Variants in RABGAP1L observed in about 807,000 individuals in gnomAD.
RABGAP1L encodes the protein rab GTPase-activating protein 1-like.
A neutral mutation model predicts 137.7 loss-of-function variants in RABGAP1L; 63 were observed. That is an observed-to-expected ratio of 0.46 (90% confidence interval 0.37 to 0.56). The LOEUF (loss-of-function observed/expected upper bound fraction) is 0.56. Among genes scored for constraint, RABGAP1L ranks in the 20% least tolerant of loss-of-function variants. RABGAP1L has a pLI of 0.00. For synonymous variants in RABGAP1L, 431 were observed against 433.7 expected (o/e 0.99, Z 0.08); for missense variants, 1,095 against 1,244.0 (o/e 0.88, Z 1.80).
chr1:174,608,161 A>T (rs897134521), intron 13 of RABGAP1L, among the ~76,000 whole-genome samples: 3 of 152,190 alleles, frequency 2.0e-5, no homozygotes, highest in Non-Finnish European at 4.4e-5. Context: ...ATATGTGCCT[A>T]AGTGTGAGGC....
At chr1:174,320,694 C>T (rs889626595) in intron 11 of RABGAP1L, among the ~76,000 whole-genome samples, 9 of 152,304 alleles carry the variant, frequency 5.9e-5, no homozygotes, top group Non-Finnish European at 8.8e-5. Context: ...ATTTCATGGA[C>T]ATTTATCACT....
chr1:174,779,805 T>C (rs7540793), intron 18 of RABGAP1L, among the ~76,000 whole-genome samples: 3 of 152,130 alleles, frequency 2.0e-5, no homozygotes, highest in African/African-American at 7.2e-5. Flanking sequence ...GCCCCATATT[T>C]CCCAAATTTA....
At chr1:174,206,649 C>T (rs553592648) in intron 1 of RABGAP1L, among the ~76,000 whole-genome samples, 2 of 152,204 alleles carry the variant, frequency 1.3e-5, no homozygotes, top group South Asian at 2.1e-4. Context: ...GGCACAAACA[C>T]GTGATCTAAA....
At chr1:174,880,392 G>A (rs894876593) in intron 19 of RABGAP1L, among the ~76,000 whole-genome samples, 1 of 151,834 alleles carries the variant, frequency 6.6e-6, no homozygotes, top group Admixed American at 6.6e-5. Flanking sequence ...AACACTTTGG[G>A]AGGCCAATGC....
intron 13 of RABGAP1L, among the ~76,000 whole-genome samples, chr1:174,615,851 C>T (rs565689872): frequency 2.0e-5 from 3 of 152,290 alleles, no homozygotes; most frequent in African/African-American, 4.8e-5. Context: ...TAGCAATCAG[C>T]GAGACTCCGT....
intron 18 of RABGAP1L, among the ~76,000 whole-genome samples, chr1:174,790,915 G>GCGT (rs1687807872): frequency 6.6e-6 from 1 of 152,018 alleles, no homozygotes; most frequent in Non-Finnish European, 1.5e-5. Context: ...ATGAGGCTGA[G>GCGT]CGTGGTGGCT....
At chr1:174,163,600 G>A (rs1664677503) in intron 1 of RABGAP1L, among the ~76,000 whole-genome samples, 1 of 137,678 alleles carries the variant, frequency 7.3e-6, no homozygotes, top group Non-Finnish European at 1.5e-5. Context: ...ATTTGCCAGT[G>A]CTGTTGGGCT....
At chr1:174,243,109 G>A (rs1232239899) in intron 5 of RABGAP1L, 1 of 152,112 alleles carries the variant, frequency 6.6e-6, no homozygotes, top group East Asian at 1.9e-4. Flanking sequence ...TGGAAAATCT[G>A]CTGCTTGGAG....
intron 14 of RABGAP1L, among the ~76,000 whole-genome samples, chr1:174,648,589 T>C (rs1006289430): frequency 1.3e-5 from 2 of 152,194 alleles, no homozygotes; most frequent in African/African-American, 4.8e-5. Context: ...TTCCATTCTT[T>C]TGCATTTGCT....
At chr1:174,275,753 A>G in intron 8 of RABGAP1L, 80 bp from the exon 9 acceptor site, 2 of 1,004,470 alleles carry the variant, frequency 2.0e-6, no homozygotes, top group Non-Finnish European at 3.0e-6. Context: ...AATAATTTGT[A>G]TTGCTTAAAG....
chr1:174,202,201 T>TTCTAGATCCCTGAGGAATCGCTACACTGA (rs1668162413), intron 1 of RABGAP1L, among the ~76,000 whole-genome samples: 1 of 152,084 alleles, frequency 6.6e-6, no homozygotes, highest in Non-Finnish European at 1.5e-5. Context: ...GTATTTCTAG[T>TTCTAGATCCCTGAGGAATCGCTACACTGA]TCTAGATCCC....
chr1:174,334,220 CTT>C (rs1339429207), intron 11 of RABGAP1L, among the ~76,000 whole-genome samples: 3 of 152,192 alleles, frequency 2.0e-5, no homozygotes, highest in Non-Finnish European at 2.9e-5. Context: ...AATCTACAGT[CTT>C]TTCTTGTCAG....
At chr1:174,621,175 T>C (rs1672426107) in intron 13 of RABGAP1L, among the ~76,000 whole-genome samples, 1 of 152,110 alleles carries the variant, frequency 6.6e-6, no homozygotes, top group Non-Finnish European at 1.5e-5. Context: ...CAAGGAGAAC[T>C]ACAAACCACT....
At chr1:174,203,193 G>C (rs1668255149) in intron 1 of RABGAP1L, among the ~76,000 whole-genome samples, 1 of 152,082 alleles carries the variant, frequency 6.6e-6, no homozygotes. Flanking sequence ...ATGATGTAAG[G>C]AAATGGTCCA....
intron 13 of RABGAP1L, among the ~76,000 whole-genome samples, chr1:174,606,782 C>T (rs1404095399): frequency 3.3e-5 from 5 of 152,214 alleles, no homozygotes; most frequent in African/African-American, 1.2e-4. Context: ...CTCTGTCTTA[C>T]AGCTGAGATC....
At chr1:174,597,382 A>C (rs891997181) in intron 13 of RABGAP1L, among the ~76,000 whole-genome samples, 3 of 152,156 alleles carry the variant, frequency 2.0e-5, no homozygotes, top group Non-Finnish European at 4.4e-5. Context: ...ATTACATCTC[A>C]GTCTCATTAC....
intron 13 of RABGAP1L, among the ~76,000 whole-genome samples, chr1:174,609,285 A>T (rs1671007381): frequency 6.6e-6 from 1 of 152,162 alleles, no homozygotes; most frequent in Admixed American, 6.5e-5. Context: ...TGGCAACTTA[A>T]TACTTAAGGA....
chr1:174,452,514 C>G (rs1655554713), intron 13 of RABGAP1L, among the ~76,000 whole-genome samples: 1 of 152,114 alleles, frequency 6.6e-6, no homozygotes, highest in African/African-American at 2.4e-5. Flanking sequence ...GCTCCTGGCA[C>G]ATAAAAAGTG....
At chr1:174,340,030 T>C (rs1035206192) in intron 11 of RABGAP1L, among the ~76,000 whole-genome samples, 1 of 152,216 alleles carries the variant, frequency 6.6e-6, no homozygotes, top group African/African-American at 2.4e-5. Context: ...ATACTTCTAT[T>C]TGGTTATTAA....
Sources: allele counts gnomAD v4.1 joint callset (sites outside exome capture counted in the v4.1 genomes callset), GRCh38; gene constraint gnomAD v4.1.1; transcripts MANE v1.5; gene names NCBI Gene and HGNC (gene_info 2026-07-23, HGNC 2026-07-21).